ARHGEF28: variants seen among roughly 807,000 people sequenced by gnomAD.
ARHGEF28 encodes 190 kDa guanine nucleotide exchange factor.
Under a neutral mutation model 206.6 loss-of-function variants are expected in ARHGEF28, and 152 were observed. The ratio of observed to expected loss-of-function variants is 0.74; its 90% confidence interval spans 0.64 to 0.84. The LOEUF (loss-of-function observed/expected upper bound fraction) is 0.84. ARHGEF28 is among the 40% of genes least tolerant of loss of function. The pLI, the probability that ARHGEF28 is intolerant of heterozygous loss-of-function variation, is 0.00. For missense variants in ARHGEF28, 2,028 were observed against 2,073.2 expected (o/e 0.98, Z 0.42); for synonymous variants, 763 against 776.4 (o/e 0.98, Z 0.29).
At chr5:73,853,140 C>A (rs1213155678) in intron 14 of ARHGEF28, among the ~76,000 whole-genome samples, 6 of 152,184 alleles carry the variant, frequency 3.9e-5, no homozygotes, top group Admixed American at 2.6e-4. Flanking sequence ...AAAGAATAAA[C>A]AATGCAGAAG....
chr5:73,726,520 A>C (rs1334161919), intron 2 of ARHGEF28, among the ~76,000 whole-genome samples: 1 of 152,216 alleles, frequency 6.6e-6, no homozygotes, highest in Non-Finnish European at 1.5e-5. Context: ...TTTAACAGAA[A>C]ATTGATTGGC....
intron 11 of ARHGEF28, among the ~76,000 whole-genome samples, chr5:73,845,986 C>CAAAAAAAAAAAAAAAAAAAAAAAAAAA (rs57600570): frequency 1.6e-5 from 1 of 63,734 alleles, no homozygotes; most frequent in Non-Finnish European, 3.4e-5. Flanking sequence ...AAAACTGTCT[C>CAAAAAAAAAAAAAAAAAAAAAAAAAAA]AAAAAAAAAA....
At chr5:73,756,983 G>C (rs79186157) in intron 4 of ARHGEF28, among the ~76,000 whole-genome samples, 2,897 of 152,262 alleles carry the variant, frequency 0.019, 42 homozygotes, top group Non-Finnish European at 0.027. Context: ...CAATGCACAT[G>C]TATACTCTAT....
At chr5:73,923,179 G>C (rs1326754110) in intron 35 of ARHGEF28, 1 of 1,533,698 alleles carries the variant, frequency 6.5e-7, no homozygotes, top group Admixed American at 2.0e-5. Flanking sequence ...TACTGCAAGG[G>C]GGGTGCTTAG....
At chr5:73,714,914 G>C (rs1382433865) in intron 2 of ARHGEF28, among the ~76,000 whole-genome samples, 1 of 152,142 alleles carries the variant, frequency 6.6e-6, no homozygotes, top group South Asian at 2.1e-4. Context: ...CCTAGCGTGT[G>C]AGTGTTGAGA....
intron 2 of ARHGEF28, among the ~76,000 whole-genome samples, chr5:73,739,938 TG>T (rs906927034): frequency 2.8e-5 from 4 of 143,606 alleles, no homozygotes; most frequent in South Asian, 2.2e-4. Context: ...GAGGTTGAGG[TG>T]GGGGGGTCAT....
At chr5:73,849,215 T>G in intron 13 of ARHGEF28, 128 bp downstream of exon 13, 2 of 683,936 alleles carry the variant, frequency 2.9e-6, no homozygotes, top group Non-Finnish European at 4.7e-6. Flanking sequence ...ATAACTGGTT[T>G]TTCTAAGCCT....
intron 31 of ARHGEF28, chr5:73,902,718 A>G (rs553708171): frequency 3.9e-5 from 6 of 152,372 alleles, no homozygotes; most frequent in South Asian, 2.1e-4. Flanking sequence ...TAAATCGCCA[A>G]CTGCAGTTTT....
intron 1 of ARHGEF28, among the ~76,000 whole-genome samples, chr5:73,649,071 G>A (rs562607652): frequency 1.3e-5 from 2 of 152,148 alleles, no homozygotes; most frequent in Non-Finnish European, 2.9e-5. Flanking sequence ...CCTTACAACT[G>A]TCTTATGAAA....
intron 35 of ARHGEF28, among the ~76,000 whole-genome samples, chr5:73,934,448 C>T (rs1764307369): frequency 1.3e-5 from 2 of 152,106 alleles, no homozygotes; most frequent in African/African-American, 4.8e-5. Flanking sequence ...AGCTTTTTTC[C>T]TAATGATTTT....
chr5:73,662,493 T>G (rs1336581666), intron 1 of ARHGEF28, among the ~76,000 whole-genome samples: 1 of 152,238 alleles, frequency 6.6e-6, no homozygotes, highest in Non-Finnish European at 1.5e-5. Flanking sequence ...AACCTTATTC[T>G]TTGGTTTCTC....
rs1017374845 is a variant in ARHGEF28, at chr5:73,925,786, A to G, written c.4948+14211A>G. 2.6e-5 allele frequency among the ~76,000 whole-genome samples: 4 copies of G among 152,316 alleles called. No individual in the cohort carries two copies. The South Asian group carries it at 8.3e-4, about 32-fold the overall frequency. ...GGCAACCATGTTGTTGCATGAGCCC[A>G]TAGTTGGTTCCCTTGTATTATGTTT... On this transcript the variant is annotated intron_variant, in intron 35 of 35. Transcript: ENST00000513042.
chr5:73,817,512 T>C (rs1404537279), intron 9 of ARHGEF28, among the ~76,000 whole-genome samples: 1 of 152,190 alleles, frequency 6.6e-6, no homozygotes, highest in East Asian at 1.9e-4. Flanking sequence ...AGGCTGAGTT[T>C]TACAGTTATT....
At chr5:73,805,114 T>A (rs1334414992) in intron 9 of ARHGEF28, among the ~76,000 whole-genome samples, 1 of 152,258 alleles carries the variant, frequency 6.6e-6, no homozygotes, top group East Asian at 1.9e-4. Context: ...TTATTTGTTG[T>A]CAAAGTGTTC....
At chr5:73,905,316 A>G (rs1762488488) in intron 33 of ARHGEF28, 1 of 152,142 alleles carries the variant, frequency 6.6e-6, no homozygotes, top group South Asian at 2.1e-4. Flanking sequence ...TTAAAAAAAA[A>G]AAAAAAACTG....
intron 2 of ARHGEF28, among the ~76,000 whole-genome samples, chr5:73,704,970 C>T (rs1748849795): frequency 6.6e-6 from 1 of 152,144 alleles, no homozygotes; most frequent in Admixed American, 6.5e-5. Context: ...TTAACAGAGA[C>T]AGGACCGGAA....
chr5:73,856,071 A>C (rs973984788), intron 14 of ARHGEF28, among the ~76,000 whole-genome samples: 2 of 151,844 alleles, frequency 1.3e-5, no homozygotes, highest in Admixed American at 6.6e-5. Context: ...GCCTTCTAAG[A>C]GAGGAGTCTT....
intron 21 of ARHGEF28, among the ~76,000 whole-genome samples, chr5:73,870,827 C>G (rs1045338102): frequency 1.3e-5 from 2 of 152,174 alleles, no homozygotes; most frequent in Non-Finnish European, 2.9e-5. Context: ...AAAAATGAAA[C>G]TTCAAAAAAT....
chr5:73,746,718 G>T (rs1031122904), intron 2 of ARHGEF28, among the ~76,000 whole-genome samples: 2 of 151,972 alleles, frequency 1.3e-5, no homozygotes, highest in Admixed American at 1.3e-4. Context: ...TTATTGAATT[G>T]TCCATTCTTT....
Sources: gnomAD v4.1 joint callset for allele counts (sites outside exome capture counted in the v4.1 genomes callset) on GRCh38, gnomAD v4.1.1 for gene constraint, MANE v1.5 for transcripts, NCBI Gene and HGNC (gene_info 2026-07-23, HGNC 2026-07-21) for gene names.